Variants in PTPRD observed in about 807,000 individuals in gnomAD.
PTPRD encodes protein tyrosine phosphatase receptor type D.
A neutral mutation model predicts 214.5 loss-of-function variants in PTPRD; 34 were observed. The ratio of observed to expected loss-of-function variants is 0.16; its 90% confidence interval spans 0.12 to 0.21. The LOEUF is 0.21. Ranked by LOEUF, PTPRD falls within the 10% of genes least tolerant of loss-of-function variation. The pLI is 1.00. For synonymous variants in PTPRD, 1,128 were observed against 845.7 expected (o/e 1.33, Z -5.79); for missense variants, 2,545 against 2,398.7 (o/e 1.06, Z -1.27).
chr9:10,578,327 T>C (rs2070315345), intron 2 of PTPRD, among the ~76,000 whole-genome samples: 1 of 152,178 alleles, frequency 6.6e-6, no homozygotes, highest in Admixed American at 6.5e-5. Flanking sequence ...GTATGTTTCC[T>C]ATATATACAG....
At position 10,449,816 on chromosome 9, in the gene PTPRD, G is replaced by A. The variant is rs1453089896; in HGVS notation, c.-599-108799C>T. Among the ~76,000 whole-genome samples the A allele has an allele frequency of 2.6e-5, 4 of 151,804 alleles. No homozygotes were observed. In the East Asian group the frequency reaches 7.7e-4, roughly 29 times the overall value. On this transcript the variant is annotated intron_variant, in intron 2 of 45. Transcript: ENST00000381196. ...CGAATAGAAAAGGGGGAAATGTGGG[G>A]AAAAGAAAGAGAGATCAGATTGTTA...
intron 11 of PTPRD, among the ~76,000 whole-genome samples, chr9:8,744,612 A>G (rs2092570610): frequency 1.3e-5 from 2 of 152,212 alleles, no homozygotes; most frequent in African/African-American, 4.8e-5. Flanking sequence ...ATGCAAAGGC[A>G]TAAAAATGAT....
Position 10,157,150 on chromosome 9 carries a change from C to A in PTPRD, c.-544-123360G>T, listed in dbSNP as rs539186418. Among the ~76,000 whole-genome samples the A allele has an allele frequency of 4.6e-5, 7 of 152,238 alleles. No homozygotes were observed. The South Asian group carries it at 1.5e-3, about 32-fold the overall frequency. On this transcript the variant is annotated intron_variant, in intron 3 of 45. Coordinates refer to ENST00000381196, the MANE Select transcript of PTPRD (RefSeq NM_002839.4). The stretch of plus-strand genomic sequence containing the variant: ...TCTACATTCAAGTTTAGTATTGATA[C>A]ATGTGGATTTGATTCTGTCATCATG...
intron 11 of PTPRD, among the ~76,000 whole-genome samples, chr9:9,010,558 G>A (rs894306834): frequency 7.2e-5 from 11 of 152,186 alleles, no homozygotes; most frequent in Non-Finnish European, 1.5e-4. Context: ...ATCTGCCAGT[G>A]CACATGTTTT....
rs573763611 is a variant in PTPRD at position 9,168,583 on chromosome 9, G to A, written c.-143+14721C>T. On this transcript the variant is annotated intron_variant, in intron 10 of 45. Transcript: ENST00000381196. ...AGTTGAATATAAAGAAATCAAACAAGTAAGCAGCGAAACTTATAGTTTAAA... is the reference window on the plus strand; with the variant it reads ...AGTTGAATATAAAGAAATCAAACAAATAAGCAGCGAAACTTATAGTTTAAA... Among the ~76,000 whole-genome samples the A allele has an allele frequency of 8.9e-4, 136 of 152,096 alleles. 4 individuals are homozygous for A. In the South Asian group the frequency reaches 0.027, roughly 30 times the overall value.
intron 27 of PTPRD, among the ~76,000 whole-genome samples, chr9:8,488,828 C>T (rs2097091231): frequency 6.6e-6 from 1 of 152,106 alleles, no homozygotes; most frequent in South Asian, 2.1e-4. Context: ...ATAGAGCTTT[C>T]AACAGAGAAT....
At chr9:9,324,768 T>G (rs1045793036) in intron 9 of PTPRD, among the ~76,000 whole-genome samples, 32 of 152,298 alleles carry the variant, frequency 2.1e-4, no homozygotes, top group African/African-American at 7.5e-4. Context: ...TCCTTGCCCA[T>G]GCCTATGTCC....
At chr9:8,674,408 G>C (rs536753224) in intron 12 of PTPRD, among the ~76,000 whole-genome samples, 76 of 140,560 alleles carry the variant, frequency 5.4e-4, no homozygotes, top group Non-Finnish European at 1.0e-3. Flanking sequence ...CAGTGAGCCG[G>C]GATCGCGCCA....
intron 9 of PTPRD, among the ~76,000 whole-genome samples, chr9:9,285,772 T>C (rs1949145979): frequency 6.6e-6 from 1 of 151,820 alleles, no homozygotes; most frequent in African/African-American, 2.4e-5. Flanking sequence ...TCCTCATTTG[T>C]TTCTTCATCT....
At chr9:10,156,321 T>C (rs920200349) in intron 3 of PTPRD, among the ~76,000 whole-genome samples, 1 of 152,138 alleles carries the variant, frequency 6.6e-6, no homozygotes, top group Non-Finnish European at 1.5e-5. Context: ...TGCCAGAGAT[T>C]CTGGTGTGTT....
At chr9:10,031,625 C>CATATATATATATATATAT (rs1171466919) in intron 4 of PTPRD, among the ~76,000 whole-genome samples, 92 of 87,230 alleles carry the variant, frequency 1.1e-3, no homozygotes, top group South Asian at 1.4e-3. Flanking sequence ...TAAAAAACTC[C>CATATATATATATATATAT]ATATATATAT....
At chr9:10,388,282 T>C (rs184436508) in intron 2 of PTPRD, among the ~76,000 whole-genome samples, 13 of 151,908 alleles carry the variant, frequency 8.6e-5, no homozygotes, top group African/African-American at 3.1e-4. Context: ...GACTCAACTA[T>C]CATTATTCTC....
chr9:9,394,208 A>C (rs2066906926), intron 9 of PTPRD, among the ~76,000 whole-genome samples: 1 of 152,202 alleles, frequency 6.6e-6, no homozygotes, highest in Non-Finnish European at 1.5e-5. Flanking sequence ...AAGCAAATGG[A>C]ATGGCTATAT....
chr9:10,178,050 T>A (rs796381712), intron 3 of PTPRD, among the ~76,000 whole-genome samples: 2 of 151,968 alleles, frequency 1.3e-5, no homozygotes, highest in Non-Finnish European at 2.9e-5. Flanking sequence ...TTACTTGCAC[T>A]GCTTTCCTTG....
In PTPRD at chr9:10,472,504, C is replaced by T. The variant is rs142288102; in HGVS notation, c.-599-131487G>A. On this transcript the variant is annotated intron_variant, in intron 2 of 45. Coordinates refer to ENST00000381196, the MANE Select transcript of PTPRD (RefSeq NM_002839.4). ...GCAGGTTGGAGTAGTTGGGGACTGG[C>T]GGAAACAAGTGGCAATATCAGTGAA... Among the ~76,000 whole-genome samples the T allele has an allele frequency of 3.5e-3, 524 of 150,750 alleles. 4 individuals carry two copies. Among genetic ancestry groups the T allele is most frequent in the African/African-American group, 0.012 (497 of 40,214 alleles).
intron 3 of PTPRD, among the ~76,000 whole-genome samples, chr9:10,237,368 C>T (rs937505444): frequency 6.6e-6 from 1 of 151,796 alleles, no homozygotes; most frequent in African/African-American, 2.4e-5. Flanking sequence ...CTTTATTCTT[C>T]ATGATAAGTG....
At chr9:9,703,750 G>A (rs558026198) in intron 7 of PTPRD, among the ~76,000 whole-genome samples, 2 of 152,078 alleles carry the variant, frequency 1.3e-5, no homozygotes, top group African/African-American at 4.8e-5. Flanking sequence ...TTTGCTCTTA[G>A]AAATCAGGGA....
chr9:10,491,177 A>T (rs1343109034), intron 2 of PTPRD, among the ~76,000 whole-genome samples: 1 of 152,192 alleles, frequency 6.6e-6, no homozygotes, highest in Non-Finnish European at 1.5e-5. Context: ...GAATATGAGT[A>T]ATCACAAATG....
At chr9:9,139,081 G>C (rs1340470869) in intron 10 of PTPRD, among the ~76,000 whole-genome samples, 3 of 151,952 alleles carry the variant, frequency 2.0e-5, no homozygotes, top group African/African-American at 7.3e-5. Flanking sequence ...ATTCTTACTA[G>C]CTATGCAGGA....
Sources: allele counts gnomAD v4.1 joint callset (sites outside exome capture counted in the v4.1 genomes callset), GRCh38; gene constraint gnomAD v4.1.1; transcripts MANE v1.5; gene names NCBI Gene and HGNC (gene_info 2026-07-23, HGNC 2026-07-21).